Variants in GRK5 observed in about 807,000 individuals in gnomAD.
GRK5 encodes the protein g protein-coupled receptor kinase GRK5.
Under a neutral mutation model 78.4 loss-of-function variants are expected in GRK5, and 40 were observed. The observed-to-expected ratio is 0.51, with a 90% CI of 0.40 to 0.66. The LOEUF (loss-of-function observed/expected upper bound fraction) is 0.66, where lower values mean the gene tolerates loss of function less well. Among genes scored for constraint, GRK5 ranks in the 30% least tolerant of loss-of-function variants. The pLI is 0.00. For synonymous variants in GRK5, 289 were observed against 296.8 expected (o/e 0.97, Z 0.27); for missense variants, 598 against 759.9 (o/e 0.79, Z 2.50).
intron 1 of GRK5, among the ~76,000 whole-genome samples, chr10:119,285,742 A>G (rs550833353): frequency 6.6e-6 from 1 of 152,216 alleles, no homozygotes; most frequent in East Asian, 1.9e-4. Flanking sequence ...ACAACAGTAA[A>G]ACCTGTTTTA....
At chr10:119,439,568 T>G (rs987850403) in intron 9 of GRK5, among the ~76,000 whole-genome samples, 163 bp from the exon 10 acceptor site, 11 of 152,214 alleles carry the variant, frequency 7.2e-5, no homozygotes, top group African/African-American at 2.7e-4. Flanking sequence ...AAAAATTAGC[T>G]GAAGATCATT....
chr10:119,340,077 T>C (rs1850958546), intron 2 of GRK5, among the ~76,000 whole-genome samples: 2 of 152,208 alleles, frequency 1.3e-5, no homozygotes, highest in African/African-American at 4.8e-5. Context: ...TGTTTGACGA[T>C]TGATGCTGAA....
At chr10:119,291,626 C>G (rs1345845190) in intron 1 of GRK5, among the ~76,000 whole-genome samples, 10 of 149,274 alleles carry the variant, frequency 6.7e-5, no homozygotes, top group Admixed American at 1.3e-4. Flanking sequence ...TCTTCCTCCT[C>G]TTCCTCCTTC....
chr10:119,406,256 A>G (rs969098613), intron 4 of GRK5, among the ~76,000 whole-genome samples: 17 of 152,228 alleles, frequency 1.1e-4, no homozygotes, highest in African/African-American at 3.9e-4. Context: ...CTTCCTAGCT[A>G]TGATGCGTTA....
At position 119,415,097 on chromosome 10, in the gene GRK5, A is replaced by G. The variant is rs1422285157; in HGVS notation, c.340-8069A>G. Among the ~76,000 whole-genome samples, 10 of 144,504 alleles carry G rather than the reference A, an allele frequency of 6.9e-5. No individual in the cohort carries two copies. The South Asian group carries it at 1.1e-3, about 16-fold the overall frequency. 94.8% of individuals were successfully genotyped at this position (144,504 alleles called of 152,430 possible). A position where few individuals can be genotyped will look rare whatever the true frequency, so the allele number is the denominator to read the frequency against. On this transcript the variant is annotated intron_variant, in intron 4 of 15. Transcript: ENST00000392870. ...ACTCTGTCTCAAAAAAAAAAAAAAA[A>G]AAAAAAGAAAAAGAAAAAAGAAATG...
chr10:119,452,656 C>T lies in GRK5; in HGVS notation c.1405-15C>T. The T allele has an allele frequency of 6.2e-7, 1 of 1,613,800 alleles. No individual in the cohort carries two copies. Among genetic ancestry groups the T allele is most frequent in the South Asian group, 1.1e-5 (1 of 91,076 alleles). On this transcript the variant is annotated splice_polypyrimidine_tract_variant and intron_variant, in intron 13 of 15. Transcript: ENST00000392870. The surrounding 1 kb of genome is among the most constrained non-coding windows in gnomAD (Gnocchi z 4.4). Reference sequence around the variant, plus strand: ...AGGCGGGACATATGTGTGACCGGCCCTCTGCCCCTGGCAGCCCCGCGCTGT... The same window carrying T: ...AGGCGGGACATATGTGTGACCGGCCTTCTGCCCCTGGCAGCCCCGCGCTGT...
rs772573231 is a variant in GRK5 at position 119,439,787 on chromosome 10, G to A, written c.967+19G>A. 1.4e-5 allele frequency: 23 copies of A among 1,612,054 alleles called. No individual in the cohort carries two copies. The highest frequency in any genetic ancestry group is 6.7e-5 in the East Asian group (3 of 44,880). On this transcript the variant is annotated intron_variant, in intron 10 of 15. Coordinates refer to ENST00000392870, the MANE Select transcript of GRK5 (RefSeq NM_005308.3). ...GATTATGGTAAGTCTTTTCCTACTC[G>A]GTAGCTGAGGTGAGCATTGCAACCC...
intron 1 of GRK5, among the ~76,000 whole-genome samples, chr10:119,270,846 T>C (rs1345632779): frequency 3.3e-5 from 5 of 152,174 alleles, no homozygotes; most frequent in Non-Finnish European, 7.3e-5. Flanking sequence ...GGCACGTTAG[T>C]GCAAAGGAAA....
At chr10:119,419,841 C>G (rs1403216253) in intron 4 of GRK5, among the ~76,000 whole-genome samples, 5 of 152,254 alleles carry the variant, frequency 3.3e-5, no homozygotes, top group Non-Finnish European at 5.9e-5. Flanking sequence ...AATGACCCCT[C>G]CCTTCTCTGA....
At position 119,411,842 on chromosome 10, in the gene GRK5, C is replaced by CTTTTTTTTTTTTTTTTTTTTTTT. The variant is rs10578557; in HGVS notation, c.340-11320_340-11298dup. Among the ~76,000 whole-genome samples the CTTTTTTTTTTTTTTTTTTTTTTT allele has an allele frequency of 1.1e-4, 11 of 95,980 alleles. 1 individual carries two copies. The highest frequency in any genetic ancestry group is 5.8e-4 in the East Asian group (2 of 3,464). The allele number at this position is 95,980 out of a possible 152,430, so 63.0% of individuals were successfully genotyped here. On this transcript the variant is annotated intron_variant, in intron 4 of 15. Coordinates refer to ENST00000392870, the MANE Select transcript of GRK5 (RefSeq NM_005308.3). ...CCTCAGCTTCATTGCAGATCTGCTT[C>CTTTTTTTTTTTTTTTTTTTTTTT]TTTTTTTTTTTTTTTTTTTTTTTTT...
intron 1 of GRK5, among the ~76,000 whole-genome samples, chr10:119,314,215 A>T (rs1264299554): frequency 6.6e-6 from 1 of 152,214 alleles, no homozygotes; most frequent in Non-Finnish European, 1.5e-5. Context: ...CCCCTGACTG[A>T]GCGGCAGGCG....
At chr10:119,314,182 G>T (rs755069890) in intron 1 of GRK5, among the ~76,000 whole-genome samples, 17 of 152,236 alleles carry the variant, frequency 1.1e-4, no homozygotes, top group Non-Finnish European at 2.2e-4. Flanking sequence ...CCCACTTTGG[G>T]TGGAATCCTT....
At chr10:119,291,857 TCTCCTTTTCCTCCTCATC>T (rs1849969036) in intron 1 of GRK5, among the ~76,000 whole-genome samples, 1 of 124,660 alleles carries the variant, frequency 8.0e-6, no homozygotes, top group Non-Finnish European at 1.7e-5. Context: ...TCTTCCTTCT[TCTCCTTTTCCTCCTCATC>T]CTCCTCCTCC....
chr10:119,411,812 G>A lies in GRK5; in HGVS notation c.340-11354G>A, dbSNP rs922592169. On this transcript the variant is annotated intron_variant, in intron 4 of 15. Transcript: ENST00000392870. The stretch of plus-strand genomic sequence containing the variant: ...CAAACAAACAAAACCCTAAAGCTTC[G>A]GCCTCCTCAGCTTCATTGCAGATCT... 9.7e-5 allele frequency among the ~76,000 whole-genome samples: 14 copies of A among 144,496 alleles called. No homozygotes were observed. The East Asian group carries it at 2.7e-3, about 27-fold the overall frequency. The allele number at this position is 144,496 out of a possible 152,430, so 94.8% of individuals were successfully genotyped here. A position where few individuals can be genotyped will look rare whatever the true frequency, so the allele number is the denominator to read the frequency against.
intron 4 of GRK5, among the ~76,000 whole-genome samples, chr10:119,415,081 C>CAAAAAAAAAA (rs762165768): frequency 1.3e-5 from 1 of 75,732 alleles, no homozygotes; most frequent in African/African-American, 4.8e-5. Flanking sequence ...GACTCTGTCT[C>CAAAAAAAAAA]AAAAAAAAAA....
At chr10:119,448,954 G>C (rs1344565932) in intron 13 of GRK5, among the ~76,000 whole-genome samples, 2 of 152,204 alleles carry the variant, frequency 1.3e-5, no homozygotes, top group Admixed American at 1.3e-4. Flanking sequence ...CTGTGATTCC[G>C]GGGCCTGCTC....
At chr10:119,437,461 T>G (rs1169971427) in intron 9 of GRK5, among the ~76,000 whole-genome samples, 1 of 152,214 alleles carries the variant, frequency 6.6e-6, no homozygotes, top group Non-Finnish European at 1.5e-5. Context: ...GATGCTGCAT[T>G]TTAAGTAGAC....
Position 119,279,301 on chromosome 10 carries a change from T to C in GRK5, c.53-47215T>C, listed in dbSNP as rs115067793. On this transcript the variant is annotated intron_variant, in intron 1 of 15. Coordinates refer to ENST00000392870, the MANE Select transcript of GRK5 (RefSeq NM_005308.3). ...CCTCAAATTTCTCCAAATACAGTCA[T>C]GTTCTGAGGTGCTGGGGGTTAGAAC... Among the ~76,000 whole-genome samples, 834 of 152,350 alleles carry C rather than the reference T, an allele frequency of 5.5e-3. 8 individuals are homozygous for C. The highest frequency in any genetic ancestry group is 0.019 in the African/African-American group (791 of 41,576).
rs1852813935 is a variant in GRK5, at chr10:119,431,379, C to T, written c.598-8C>T. ...TCCTGCCACCCTGGTTTCTTTCTTG[C>T]ACTGCAGGTCTGTGCCTGCCAGGTT... On this transcript the variant is annotated splice_polypyrimidine_tract_variant and splice_region_variant and intron_variant, in intron 7 of 15. Transcript: ENST00000392870. The surrounding 1 kb of genome is among the most constrained non-coding windows in gnomAD (Gnocchi z 4.8). 3 of 1,610,090 alleles carry T rather than the reference C, an allele frequency of 1.9e-6. No individual in the cohort carries two copies. The highest frequency in any genetic ancestry group is 2.2e-5 in the East Asian group (1 of 44,772).
Sources: gnomAD v4.1 joint callset for allele counts (sites outside exome capture counted in the v4.1 genomes callset) on GRCh38, gnomAD v4.1.1 for gene constraint, Gnocchi (gnomAD v3.1) non-coding constraint, MANE v1.5 for transcripts, NCBI Gene and HGNC (gene_info 2026-07-23, HGNC 2026-07-21) for gene names.